The following GALNT2 variants were observed in gnomAD, a reference collection of about 807,000 sequenced individuals.
The protein encoded by GALNT2 is polypeptide N-acetylgalactosaminyltransferase 2, also known as UDP-GalNAc:polypeptide N-acetylgalactosaminyltransferase 2.
A neutral mutation model predicts 81.4 loss-of-function variants in GALNT2; 31 were observed. The ratio of observed to expected loss-of-function variants is 0.38; its 90% CI spans 0.29 to 0.51. The LOEUF (loss-of-function observed/expected upper bound fraction) is 0.51. GALNT2 is among the 20% of genes least tolerant of loss of function. The pLI is 0.87. For synonymous variants in GALNT2, 303 were observed against 287.4 expected (o/e 1.05, Z -0.55); for missense variants, 629 against 765.7 (o/e 0.82, Z 2.11).
intron 1 of GALNT2, among the ~76,000 whole-genome samples, chr1:230,080,461 C>T (rs1253466285): frequency 2.6e-5 from 4 of 152,172 alleles, no homozygotes; most frequent in African/African-American, 7.2e-5. Flanking sequence ...CATTTAGGTC[C>T]TGGTGCCAGC....
At chr1:230,274,971 T>TATATATACATGCTAC (rs1553276329) in intron 15 of GALNT2, among the ~76,000 whole-genome samples, 3 of 151,514 alleles carry the variant, frequency 2.0e-5, no homozygotes, top group Non-Finnish European at 4.4e-5. Context: ...ACACACCACA[T>TATATATACATGCTAC]ATATATACAT....
intron 1 of GALNT2, among the ~76,000 whole-genome samples, chr1:230,127,742 C>T (rs189774312): frequency 4.7e-5 from 4 of 85,388 alleles, no homozygotes; most frequent in Non-Finnish European, 7.0e-5. Flanking sequence ...TTGCTGTAAT[C>T]CTCCTCAGTG....
chr1:230,154,871 C>T lies in GALNT2; in HGVS notation c.127-23347C>T, dbSNP rs74885159. On this transcript the variant is annotated intron_variant, in intron 1 of 15. Transcript: ENST00000366672. ...TTATGGCAGCCCTGGCATACTTACT[C>T]AGGTAGTCTCTGTCAGGTTATTTAT... Among the ~76,000 whole-genome samples, 406 of 152,316 alleles carry T rather than the reference C, an allele frequency of 2.7e-3. 3 individuals are homozygous for T. Among genetic ancestry groups the T allele is most frequent in the African/African-American group, 9.3e-3 (387 of 41,566 alleles).
chr1:230,121,842 A>C (rs1407890724), intron 1 of GALNT2, among the ~76,000 whole-genome samples: 2 of 152,148 alleles, frequency 1.3e-5, no homozygotes, highest in African/African-American at 4.8e-5. Context: ...TCACACAGCT[A>C]GAAGAGGGGA....
intron 3 of GALNT2, among the ~76,000 whole-genome samples, chr1:230,211,317 G>A (rs1664227207): frequency 6.6e-6 from 1 of 152,242 alleles, no homozygotes; most frequent in Non-Finnish European, 1.5e-5. Flanking sequence ...GTCACAGGTG[G>A]GGACAGGCGC....
chr1:230,072,377 G>GT (rs1410579903), intron 1 of GALNT2, among the ~76,000 whole-genome samples: 1 of 150,616 alleles, frequency 6.6e-6, no homozygotes, highest in African/African-American at 2.5e-5. Flanking sequence ...GTGGCGGGGG[G>GT]TGCGGTGAGG....
At chr1:230,098,655 C>T (rs988147499) in intron 1 of GALNT2, among the ~76,000 whole-genome samples, 6 of 151,912 alleles carry the variant, frequency 3.9e-5, no homozygotes, top group Non-Finnish European at 8.8e-5. Flanking sequence ...CAAAGGGATA[C>T]GTAGGACAAT....
At chr1:230,203,518 G>T (rs942563465) in intron 3 of GALNT2, among the ~76,000 whole-genome samples, 5 of 152,220 alleles carry the variant, frequency 3.3e-5, no homozygotes, top group Admixed American at 3.3e-4. Context: ...GCAGTGTGCA[G>T]AGGCTGTGGG....
chr1:230,275,423 T>A lies in GALNT2; in HGVS notation c.1560+859T>A, dbSNP rs1198896876. Among the ~76,000 whole-genome samples, 1 of 151,246 alleles carries A rather than the reference T, an allele frequency of 6.6e-6. No homozygotes were observed. Among genetic ancestry groups the A allele is most frequent in the Non-Finnish European group, 1.5e-5 (1 of 67,790 alleles). The stretch of plus-strand genomic sequence containing the variant: ...TATATACATATGTAAACACCACATA[T>A]ATACACACCACATATATATACACGC... On this transcript the variant is annotated intron_variant, in intron 15 of 15. Transcript: ENST00000366672. The surrounding 1 kb of genome is among the most constrained non-coding windows in gnomAD (Gnocchi z 5.5).
chr1:230,236,027 C>G lies in GALNT2; in HGVS notation c.388C>G (p.Gln130Glu), dbSNP rs768184760. ...CTCTTCCTGCAGGTGTCAGCGGAAG[C>G]AGTGGCGGGTGGATCTGCCGGCCAC... ...DTRHDQCQRK[Q>E]WRVDLPATSV... The change falls in exon 4 of 16, where the codon CAG becomes GAG. Residue 130 changes from glutamine to glutamate, a missense_variant. This residue lies in a region of GALNT2 where 360 missense variants were observed against 492.8 expected (regional missense o/e 0.73). Transcript: ENST00000366672. The G allele has an allele frequency of 9.3e-6, 15 of 1,613,416 alleles. No individual in the cohort carries two copies. The highest frequency in any genetic ancestry group is 1.3e-5 in the Non-Finnish European group (15 of 1,179,724).
At position 230,193,759 on chromosome 1, in the gene GALNT2, G is replaced by C. The variant is rs543949052; in HGVS notation, c.221-9378G>C. 2.0e-4 allele frequency among the ~76,000 whole-genome samples: 31 copies of C among 152,336 alleles called. No individual in the cohort carries two copies. The highest frequency in any genetic ancestry group is 1.7e-4 in the African/African-American group (7 of 41,582). On this transcript the variant is annotated intron_variant, in intron 2 of 15. Transcript: ENST00000366672. The surrounding 1 kb of genome is among the most constrained non-coding windows in gnomAD (Gnocchi z 4.3). ...TTTCAAAAAGTTCACTTGAAGATTG[G>C]TTATTAGGATCCCAGAATGAACTGT...
intron 15 of GALNT2, among the ~76,000 whole-genome samples, chr1:230,278,556 T>G (rs1666356113): frequency 6.6e-6 from 1 of 152,098 alleles, no homozygotes; most frequent in Admixed American, 6.5e-5. Context: ...TCGCTTGATT[T>G]GAGTGTTAGT....
chr1:230,255,982 G>A (rs1665699203), intron 11 of GALNT2, among the ~76,000 whole-genome samples: 1 of 152,182 alleles, frequency 6.6e-6, no homozygotes, highest in African/African-American at 2.4e-5. Context: ...AGGTGCTGGT[G>A]TCTGGCGAGG....
chr1:230,272,639 A>G (rs1452311149), intron 14 of GALNT2, among the ~76,000 whole-genome samples: 1 of 152,280 alleles, frequency 6.6e-6, no homozygotes, highest in East Asian at 1.9e-4. Context: ...ACTGATTCCT[A>G]GACGGGTGTC....
intron 3 of GALNT2, among the ~76,000 whole-genome samples, chr1:230,214,775 G>A (rs767339211): frequency 4.6e-4 from 70 of 152,066 alleles, no homozygotes; most frequent in Middle Eastern, 3.4e-3. Context: ...ATAATTCTGC[G>A]TTTCCTCTGT....
chr1:230,148,775 C>T (rs1352953130), intron 1 of GALNT2, among the ~76,000 whole-genome samples: 2 of 151,926 alleles, frequency 1.3e-5, no homozygotes, highest in Admixed American at 6.6e-5. Context: ...TTAGTAGAGA[C>T]AGGGTTTCGC....
In GALNT2 at chr1:230,232,897, C is replaced by T. The variant is rs576492488; in HGVS notation, c.375-3117C>T. 3.3e-5 allele frequency among the ~76,000 whole-genome samples: 5 copies of T among 152,290 alleles called. No individual in the cohort carries two copies. The East Asian group carries it at 5.8e-4, about 18-fold the overall frequency. ...TGCCTGCTTTTTTCCCCCAGACAAC[C>T]GTGAACAGTTTCCCCCCAAAAACTA... On this transcript the variant is annotated intron_variant, in intron 3 of 15. Transcript: ENST00000366672.
chr1:230,276,765 G>T (rs867545182), intron 15 of GALNT2, among the ~76,000 whole-genome samples: 8 of 152,194 alleles, frequency 5.3e-5, no homozygotes, highest in African/African-American at 1.9e-4. Context: ...ATACCAAAAT[G>T]TGTAAGGGAG....
At chr1:230,233,172 C>G (rs543869729) in intron 3 of GALNT2, among the ~76,000 whole-genome samples, 50 of 152,274 alleles carry the variant, frequency 3.3e-4, no homozygotes, top group African/African-American at 1.2e-3. Flanking sequence ...GTTCTTAACT[C>G]CTTAAATGTT....
Sources: allele counts gnomAD v4.1 joint callset (sites outside exome capture counted in the v4.1 genomes callset), GRCh38; gene constraint gnomAD v4.1.1; regional missense constraint gnomAD v4.1.1; non-coding constraint Gnocchi (gnomAD v3.1); transcripts MANE v1.5; gene names NCBI Gene and HGNC (gene_info 2026-07-23, HGNC 2026-07-21).